RP1: variants seen among roughly 807,000 people sequenced by gnomAD.
RP1 encodes the protein RP1 axonemal microtubule associated.
Under a neutral mutation model 14.8 loss-of-function variants are expected in RP1, and 16 were observed. That is an observed-to-expected ratio of 1.08 (90% CI 0.73 to 1.65). The LOEUF (loss-of-function observed/expected upper bound fraction) is 1.65, where lower values mean the gene tolerates loss of function less well. Ranked by LOEUF, RP1 falls within the 40% of genes most tolerant of loss-of-function variation. RP1 has a pLI of 0.00. For synonymous variants in RP1, 876 were observed against 883.6 expected, an observed-to-expected ratio of 0.99 and a Z score of 0.15; for missense variants, 2,631 against 2,535.0, an observed-to-expected ratio of 1.04 and a Z score of -0.81.
intron 15 of RP1, among the ~76,000 whole-genome samples, chr8:54,719,814 C>T (rs1306919877): frequency 6.6e-6 from 1 of 152,190 alleles, no homozygotes; most frequent in Admixed American, 6.5e-5. Flanking sequence ...TTTTAATGTT[C>T]TACATTCACC....
At chr8:54,756,298 T>C (rs1809502711) in intron 21 of RP1, among the ~76,000 whole-genome samples, 2 of 152,324 alleles carry the variant, frequency 1.3e-5, no homozygotes, top group Admixed American at 6.5e-5. Context: ...CAGTAGGATA[T>C]TGTTAATGTT....
At chr8:54,800,642 G>C (rs1810683354) in intron 24 of RP1, among the ~76,000 whole-genome samples, 1 of 152,058 alleles carries the variant, frequency 6.6e-6, no homozygotes, top group Non-Finnish European at 1.5e-5. Flanking sequence ...CAATGAGGCT[G>C]TCAAAGGAAT....
chr8:54,787,918 T>A (rs1810365092), intron 24 of RP1, among the ~76,000 whole-genome samples: 1 of 152,212 alleles, frequency 6.6e-6, no homozygotes, highest in South Asian at 2.1e-4. Context: ...CACTTAACAT[T>A]TGTAAGCTTT....
intron 21 of RP1, among the ~76,000 whole-genome samples, chr8:54,756,736 C>T (rs1585665657): frequency 6.6e-6 from 1 of 152,300 alleles, no homozygotes; most frequent in East Asian, 1.9e-4. Flanking sequence ...ACTCTTTCAC[C>T]TGACTACTTG....
chr8:54,584,670 T>C (rs1378113397), intron 1 of RP1, among the ~76,000 whole-genome samples: 2 of 152,220 alleles, frequency 1.3e-5, no homozygotes, highest in African/African-American at 2.4e-5. Context: ...ACTTGCTTTA[T>C]GAATCTGGGT....
At chr8:54,869,853 G>A in exon 29 of RP1, 1 of 1,228,900 alleles carries the variant, frequency 8.1e-7, no homozygotes, top group Non-Finnish European at 1.0e-6. Flanking sequence ...ATGGCTAGAT[G>A]AGTACCAAGA....
intron 1 of RP1, among the ~76,000 whole-genome samples, chr8:54,569,134 G>A (rs547330790): frequency 3.3e-5 from 5 of 152,306 alleles, no homozygotes; most frequent in East Asian, 3.9e-4. Context: ...AGCAAGTCCT[G>A]GTTGGATGAT....
intron 3 of RP1, among the ~76,000 whole-genome samples, chr8:54,636,137 G>A (rs146675672): frequency 2.0e-5 from 3 of 152,270 alleles, no homozygotes; most frequent in Non-Finnish European, 2.9e-5. Context: ...TGCTCTTAAC[G>A]TAGCCTTCTT....
At chr8:54,780,882 T>G in intron 23 of RP1, 1 of 980,004 alleles carries the variant, frequency 1.0e-6, no homozygotes, top group Non-Finnish European at 1.2e-6. Flanking sequence ...CATATACTGA[T>G]TGCACGTGGT....
chr8:54,708,857 C>G (rs1808226438), intron 15 of RP1, among the ~76,000 whole-genome samples: 1 of 152,088 alleles, frequency 6.6e-6, no homozygotes, highest in African/African-American at 2.4e-5. Flanking sequence ...GGTGACTCAG[C>G]TCTATCTGAT....
intron 26 of RP1, chr8:54,852,767 C>T (rs1045269583): frequency 3.3e-6 from 4 of 1,224,250 alleles, no homozygotes; most frequent in African/African-American, 1.6e-5. Flanking sequence ...TACCGACTAT[C>T]GTTCCTTTAA....
chr8:54,698,828 A>G (rs890762589), intron 12 of RP1, among the ~76,000 whole-genome samples: 1 of 152,104 alleles, frequency 6.6e-6, no homozygotes, highest in Non-Finnish European at 1.5e-5. Context: ...CATAAGTGGG[A>G]GTTGAACAAT....
At chr8:54,781,439 A>G (rs1006339264) in intron 23 of RP1, among the ~76,000 whole-genome samples, 3 of 152,228 alleles carry the variant, frequency 2.0e-5, no homozygotes, top group African/African-American at 7.2e-5. Flanking sequence ...TATAGATAAA[A>G]TATCTGAAGT....
intron 18 of RP1, among the ~76,000 whole-genome samples, chr8:54,738,572 G>GT (rs1034302636): frequency 3.5e-3 from 507 of 145,940 alleles, no homozygotes; most frequent in African/African-American, 9.6e-3. Context: ...GGCGAAAATT[G>GT]TTTTTTTTTT....
In RP1 at chr8:54,621,564, G is replaced by C. The variant is rs757348446; in HGVS notation, c.598G>C (p.Ala200Pro). 1 of 1,614,154 alleles carries C rather than the reference G, an allele frequency of 6.2e-7. No individual in the cohort carries two copies. The highest frequency in any genetic ancestry group is 8.5e-7 in the Non-Finnish European group (1 of 1,180,014). Residue 200 changes from alanine (A) to proline (P), a missense_variant, in exon 2 of 4, where the codon GCT becomes CCT. By Grantham distance (27) the Ala-to-Pro change is conservative. Coordinates refer to ENST00000220676, the MANE Select transcript of RP1 (RefSeq NM_006269.2). The stretch of plus-strand genomic sequence containing the variant: ...GCAGCGCCCTGTGGTCAAGCTGTAC[G>C]CTACGGACGGAAGGAGGGTGAGCGT... ...VMQRPVVKLY[A>P]TDGRRVPSLQ... is the part of the protein sequence containing the mutation.
At chr8:54,749,327 T>A (rs1278401664) in intron 19 of RP1, among the ~76,000 whole-genome samples, 1 of 150,134 alleles carries the variant, frequency 6.7e-6, no homozygotes, top group African/African-American at 2.5e-5. Flanking sequence ...CAAGACTCCA[T>A]CTCAAAAAAA....
chr8:54,625,116 A>G lies in RP1; in HGVS notation c.1234A>G (p.Met412Val), dbSNP rs1380662600. The change falls in exon 4 of 4, where the codon ATG becomes GTG. Residue 412 changes from methionine (M) to valine (V), a missense_variant. Transcript: ENST00000220676. ...TTTGGCAGAGGAGATAAACATTCAA[A>G]TGACAGATCAAGTGGCTGAAACTTG... is the stretch of plus-strand genomic sequence containing the variant. ...GSLAEEINIQ[M>V]TDQVAETCSS... 2 of 1,614,184 alleles carry G rather than the reference A, an allele frequency of 1.2e-6. No individual in the cohort carries two copies. Among genetic ancestry groups the G allele is most frequent in the South Asian group, 2.2e-5 (2 of 91,084 alleles).
intron 24 of RP1, among the ~76,000 whole-genome samples, chr8:54,836,860 A>ATT (rs35265869): frequency 2.6e-5 from 4 of 151,928 alleles, no homozygotes; most frequent in South Asian, 2.1e-4. Context: ...TAATTGATCA[A>ATT]TTTTTTTTCA....
chr8:54,766,513 A>G (rs2129372696), intron 22 of RP1, among the ~76,000 whole-genome samples: 1 of 152,296 alleles, frequency 6.6e-6, no homozygotes, highest in South Asian at 2.1e-4. Context: ...AACTGACAGA[A>G]TGAGGTGCAG....
Sources: gnomAD v4.1 joint callset for allele counts (sites outside exome capture counted in the v4.1 genomes callset) on GRCh38, gnomAD v4.1.1 for gene constraint, MANE v1.5 for transcripts, NCBI Gene and HGNC (gene_info 2026-07-23, HGNC 2026-07-21) for gene names.